Variants in COBLL1 observed in about 807,000 individuals in gnomAD.
The protein encoded by COBLL1 is cordon-bleu WH2 repeat protein like 1, also known as cordon-bleu protein-like 1.
A neutral mutation model predicts 94.8 loss-of-function variants in COBLL1; 50 were observed. The ratio of observed to expected loss-of-function variants is 0.53; its 90% CI spans 0.42 to 0.67. The LOEUF (loss-of-function observed/expected upper bound fraction) is 0.67. COBLL1 is among the 30% of genes least tolerant of loss of function. The pLI, the probability that COBLL1 is intolerant of heterozygous loss-of-function variation, is 0.00. For missense variants in COBLL1, 1,362 were observed against 1,348.7 expected (o/e 1.01, Z -0.15); for synonymous variants, 448 against 473.8 (o/e 0.95, Z 0.71).
chr2:164,700,815 T>G, intron 9 of COBLL1, 59 bp from the exon 10 acceptor site: 1 of 999,100 alleles, frequency 1.0e-6, no homozygotes, highest in South Asian at 1.5e-5. Flanking sequence ...TCACATGCAA[T>G]TCTGGCAAGG....
chr2:164,795,067 C>G (rs543369201), intron 2 of COBLL1, among the ~76,000 whole-genome samples: 1 of 152,122 alleles, frequency 6.6e-6, no homozygotes, highest in Non-Finnish European at 1.5e-5. Flanking sequence ...TTTTCATCTT[C>G]GTCTCTAGGG....
chr2:164,836,907 G>A (rs1414456375), intron 2 of COBLL1, among the ~76,000 whole-genome samples: 1 of 152,228 alleles, frequency 6.6e-6, no homozygotes, highest in Non-Finnish European at 1.5e-5. Flanking sequence ...GTGGGGGCAT[G>A]AGAGCCCAAG....
At chr2:164,806,694 A>G (rs1428922315) in intron 2 of COBLL1, among the ~76,000 whole-genome samples, 3 of 151,874 alleles carry the variant, frequency 2.0e-5, no homozygotes, top group African/African-American at 4.8e-5. Flanking sequence ...TCTTGATTCA[A>G]TTTATTTATT....
rs992040949 is a variant in COBLL1, at chr2:164,757,813, AAAT to A, written c.42-13941_42-13939del. Among the ~76,000 whole-genome samples the A allele has an allele frequency of 8.6e-5, 13 of 151,392 alleles. 1 individual carries two copies. Among genetic ancestry groups the A allele is most frequent in the African/African-American group, 2.9e-4 (12 of 41,366 alleles). The stretch of plus-strand genomic sequence containing the variant: ...GGTGACAGTGAGACTCTGTCTCAAA[AAAT>A]AATAATAATAATAATAAAATATTAA... On this transcript the variant is annotated intron_variant, in intron 2 of 13. Coordinates refer to ENST00000652658, the MANE Select transcript of COBLL1 (RefSeq NM_001365672.2).
chr2:164,679,551 G>A (rs1180091262), downstream of COBLL1, among the ~76,000 whole-genome samples: 1 of 152,062 alleles, frequency 6.6e-6, no homozygotes, highest in East Asian at 1.9e-4. Flanking sequence ...CACCACCCTA[G>A]GGTGCTCTGA....
chr2:164,712,887 G>T (rs557149509), intron 7 of COBLL1, among the ~76,000 whole-genome samples: 3 of 151,940 alleles, frequency 2.0e-5, no homozygotes, highest in African/African-American at 7.3e-5. Context: ...TAGAAGTTTT[G>T]GTGTCCACTG....
chr2:164,765,345 C>T (rs963985713), intron 2 of COBLL1, among the ~76,000 whole-genome samples: 13 of 152,138 alleles, frequency 8.5e-5, no homozygotes, highest in African/African-American at 3.1e-4. Flanking sequence ...GAATTTGCAA[C>T]AGTCTGCAAG....
intron 3 of COBLL1, among the ~76,000 whole-genome samples, chr2:164,738,930 A>T (rs1314272924): frequency 6.6e-6 from 1 of 152,186 alleles, no homozygotes; most frequent in Non-Finnish European, 1.5e-5. Context: ...GCAAACATAT[A>T]TACATACATA....
rs1474610932 is a variant in COBLL1, at chr2:164,705,067, C to T, written c.1035G>A (p.Leu345=). The change falls in exon 8 of 14, where the codon CTG becomes CTA. Residue 345 remains leucine, a synonymous_variant. Transcript: ENST00000652658. Reference sequence around the variant, plus strand: ...TCCCTGCAGACATGCTGCTGAGCTGCAGTGAACCTGCCCTCACTCTTCCTG... The same window carrying T: ...TCCCTGCAGACATGCTGCTGAGCTGTAGTGAACCTGCCCTCACTCTTCCTG... ...CEAGRVRAGS[L]QLSSMSAGNS... is the part of the protein sequence containing the mutation. 2 of 1,588,200 alleles carry T rather than the reference C, an allele frequency of 1.3e-6. No homozygotes were observed. Among genetic ancestry groups the T allele is most frequent in the South Asian group, 2.3e-5 (2 of 86,280 alleles).
In COBLL1 at chr2:164,695,727, A is replaced by C. The variant is rs998564366; in HGVS notation, c.1665T>G (p.Ile555Met). ...TTGATGGTCTCTCAACTTCCATATC[A>C]ATGTTGTTATTTTTGGCAACACCTT... is the stretch of plus-strand genomic sequence containing the variant. Reference protein sequence around the residue: ...NVEGVAKNNNIDMEVERPSNS... With the variant: ...NVEGVAKNNNMDMEVERPSNS... The change falls in exon 12 of 14, where the codon ATT (isoleucine) becomes ATG (methionine). Residue 555 changes from isoleucine to methionine, a missense_variant. By Grantham distance (10) the Ile-to-Met change is conservative (BLOSUM62 1). Coordinates refer to ENST00000652658, the MANE Select transcript of COBLL1 (RefSeq NM_001365672.2). 2 of 1,613,590 alleles carry C rather than the reference A, an allele frequency of 1.2e-6. No homozygotes were observed. Among genetic ancestry groups the C allele is most frequent in the Admixed American group, 1.7e-5 (1 of 59,972 alleles).
chr2:164,776,596 C>G (rs1039827938), intron 2 of COBLL1, among the ~76,000 whole-genome samples: 1 of 151,460 alleles, frequency 6.6e-6, no homozygotes, highest in Non-Finnish European at 1.5e-5. Flanking sequence ...TGTCTGTCTG[C>G]CCCCTCCCCG....
chr2:164,841,763 CCTACT>C lies in COBLL1; in HGVS notation c.-109_-105del. 1 of 554,386 alleles carries C rather than the reference CCTACT, an allele frequency of 1.8e-6. No individual in the cohort carries two copies. 34.3% of individuals were successfully genotyped at this position (554,386 alleles called of 1,614,324 possible). A position where few individuals can be genotyped will look rare whatever the true frequency, so the allele number is the denominator to read the frequency against. On this transcript the variant is annotated 5_prime_UTR_variant, in exon 1 of 14. Coordinates refer to ENST00000652658, the MANE Select transcript of COBLL1 (RefSeq NM_001365672.2). This position sits in a 1 kb window ranked among gnomAD's most constrained non-coding sequence, Gnocchi z 5.5. ...CCTGTTCTCCCTCGCGGCTTCCTCT[CCTACT>C]CTTCCCTTCCCCGGCCCGCGCTCTT... is the stretch of plus-strand genomic sequence containing the variant.
intron 7 of COBLL1, chr2:164,718,342 G>C: frequency 1.8e-6 from 1 of 567,032 alleles, no homozygotes; most frequent in Non-Finnish European, 2.2e-6. Flanking sequence ...AGGTAAGTAA[G>C]TCATGTTATA....
chr2:164,738,048 C>T (rs1238252375), intron 3 of COBLL1, among the ~76,000 whole-genome samples: 1 of 152,164 alleles, frequency 6.6e-6, no homozygotes, highest in East Asian at 1.9e-4. Flanking sequence ...GCTTGGAGTT[C>T]TGTGCTTTCT....
intron 2 of COBLL1, among the ~76,000 whole-genome samples, chr2:164,791,869 T>C (rs1476216458): frequency 2.0e-5 from 3 of 151,674 alleles, no homozygotes; most frequent in African/African-American, 7.3e-5. Context: ...CCCTGGTTTT[T>C]GTTGCTTTTT....
intron 3 of COBLL1, among the ~76,000 whole-genome samples, chr2:164,742,584 A>G (rs2105558048): frequency 6.6e-6 from 1 of 152,226 alleles, no homozygotes; most frequent in African/African-American, 2.4e-5. Context: ...ATAGGGTTCA[A>G]TGTGTGATCT....
rs1324215339 is a variant in COBLL1, at chr2:164,827,310, A to T, written c.41+13846T>A. On this transcript the variant is annotated intron_variant, in intron 2 of 13. Coordinates refer to ENST00000652658, the MANE Select transcript of COBLL1 (RefSeq NM_001365672.2). ...TTAGAATTTCATCTTATATGGGAAT[A>T]ATGTAAAATGTCGATTTGTTGCCAA... Among the ~76,000 whole-genome samples the T allele has an allele frequency of 7.2e-5, 11 of 152,304 alleles. No individual in the cohort carries two copies. The South Asian group carries it at 2.1e-3, about 29-fold the overall frequency.
intron 11 of COBLL1, chr2:164,696,664 T>C (rs1683962855): frequency 6.6e-6 from 1 of 152,120 alleles, no homozygotes. Flanking sequence ...AAAACAAAAC[T>C]CATTTGCCAG....
In COBLL1 at chr2:164,673,366, G is replaced by A. The variant is rs112935978; in HGVS notation, n.127-7465C>T. 8.5e-5 allele frequency among the ~76,000 whole-genome samples: 13 copies of A among 152,228 alleles called. No individual in the cohort carries two copies. In the East Asian group the frequency reaches 1.5e-3, roughly 18 times the overall value. ...GTACTTGGTGAATGTTTTTAAGCTC[G>A]ATCAGTAAGGCTGGGCGCGGTGGCT... On this transcript the variant is annotated intron_variant and non_coding_transcript_variant, in intron 1 of 2. Coordinates refer to the COBLL1 transcript ENST00000495084.
Sources: allele counts gnomAD v4.1 joint callset (sites outside exome capture counted in the v4.1 genomes callset), GRCh38; gene constraint gnomAD v4.1.1; non-coding constraint Gnocchi (gnomAD v3.1); transcripts MANE v1.5; gene names NCBI Gene and HGNC (gene_info 2026-07-23, HGNC 2026-07-21).